Variants in RDX observed in about 807,000 individuals in gnomAD.
The protein encoded by RDX is deafness, autosomal recessive 24.
Under a neutral mutation model 83.7 loss-of-function variants are expected in RDX, and 32 were observed. The ratio of observed to expected loss-of-function variants is 0.38; its 90% CI spans 0.29 to 0.51. RDX has a LOEUF of 0.51. RDX is among the 20% of genes least tolerant of loss of function. The pLI is 0.87. For missense variants in RDX, 600 were observed against 689.9 expected (o/e 0.87, Z 1.46); for synonymous variants, 229 against 222.7 (o/e 1.03, Z -0.25).
chr11:110,216,382 T>C (rs934902933), intron 14 of RDX, among the ~76,000 whole-genome samples: 1 of 151,866 alleles, frequency 6.6e-6, no homozygotes, highest in Non-Finnish European at 1.5e-5. Flanking sequence ...TTCTAATTTT[T>C]TTTTTTTTGA....
intron 9 of RDX, among the ~76,000 whole-genome samples, chr11:110,249,245 G>A (rs577611351): frequency 6.6e-6 from 1 of 152,216 alleles, no homozygotes; most frequent in East Asian, 1.9e-4. Context: ...ATCTGAGTAT[G>A]CTTTAATGTT....
intron 15 of RDX, among the ~76,000 whole-genome samples, chr11:110,193,759 T>C (rs1863148685): frequency 1.3e-5 from 2 of 152,178 alleles, no homozygotes. Context: ...TTCCAACTAC[T>C]AATTAGTGGC....
chr11:110,254,207 T>C, intron 8 of RDX, 98 bp from the exon 9 acceptor site: 1 of 927,924 alleles, frequency 1.1e-6, no homozygotes, highest in Non-Finnish European at 1.7e-6. Flanking sequence ...AATTTTAATG[T>C]CATATTACAT....
At chr11:110,236,407 T>C (rs980182864) in intron 11 of RDX, 6 of 497,722 alleles carry the variant, frequency 1.2e-5, no homozygotes, top group African/African-American at 3.9e-5. Context: ...ACTATTATTC[T>C]ACAGACTAGT....
chr11:110,283,840 A>G (rs1860867110), intron 1 of RDX, among the ~76,000 whole-genome samples: 1 of 150,064 alleles, frequency 6.7e-6, no homozygotes, highest in Non-Finnish European at 1.5e-5. Flanking sequence ...TTAAATCTCT[A>G]CATAGGTAAA....
In RDX at chr11:110,237,596, T is replaced by C; in HGVS notation, c.1147A>G (p.Lys383Glu). Reference sequence around the variant, plus strand: ...TTTTCAAGTCGTTCTGCTTCTTCTTTTGCTCGTTTTCGTTCTTGATCCAGT... The same window carrying C: ...TTTTCAAGTCGTTCTGCTTCTTCTTCTGCTCGTTTTCGTTCTTGATCCAGT... ...LELDQERKRA[K>E]EEAERLEKER... The change falls in exon 11 of 14, where the codon AAA becomes GAA. Residue 383 changes from lysine to glutamate, a missense_variant. Physicochemically the swap from Lys to Glu is moderately conservative, Grantham distance 56. Coordinates refer to ENST00000645495, the MANE Select transcript of RDX (RefSeq NM_002906.4). 2.5e-6 allele frequency: 4 copies of C among 1,614,192 alleles called. No homozygotes were observed. Among genetic ancestry groups the C allele is most frequent in the South Asian group, 1.1e-5 (1 of 91,088 alleles).
chr11:110,199,744 G>A, intron 14 of RDX: 1 of 702,638 alleles, frequency 1.4e-6, no homozygotes, highest in Non-Finnish European at 2.6e-6. Flanking sequence ...AAGCTGAATG[G>A]GCAGGCTGAC....
At chr11:110,186,556 A>G (rs185096059) in intron 15 of RDX, among the ~76,000 whole-genome samples, 241 of 152,168 alleles carry the variant, frequency 1.6e-3, no homozygotes, top group Non-Finnish European at 1.9e-3. Flanking sequence ...ATCCATCAGC[A>G]TAACAAAAGA....
At chr11:110,269,698 G>A (rs1385056898) in intron 3 of RDX, among the ~76,000 whole-genome samples, 2 of 152,068 alleles carry the variant, frequency 1.3e-5, no homozygotes, top group African/African-American at 4.8e-5. Context: ...AATAGAACAG[G>A]GACTAAAGAA....
intron 2 of RDX, among the ~76,000 whole-genome samples, chr11:110,277,304 C>CT (rs1209949256): frequency 3.3e-5 from 5 of 151,824 alleles, no homozygotes; most frequent in Admixed American, 2.0e-4. Flanking sequence ...TATTACCAGT[C>CT]TTTTTTTTGT....
rs1862784394 is a variant in RDX at position 110,176,878 on chromosome 11, A to G, written c.*32-1644T>C. Reference sequence around the variant, plus strand: ...GTAGTTCATCTGAACAGGTAGCAGTATCACCAGGCCCTTTCGGAGTCCTCT... The same window carrying G: ...GTAGTTCATCTGAACAGGTAGCAGTGTCACCAGGCCCTTTCGGAGTCCTCT... On this transcript the variant is annotated intron_variant, in intron 15 of 15. Coordinates refer to the RDX transcript ENST00000528498. Among the ~76,000 whole-genome samples the G allele has an allele frequency of 1.3e-5, 2 of 152,160 alleles. 1 individual carries two copies. The highest frequency in any genetic ancestry group is 1.3e-4 in the Admixed American group (2 of 15,278).
intron 2 of RDX, among the ~76,000 whole-genome samples, chr11:110,274,711 A>G (rs1488607274): frequency 1.3e-5 from 2 of 152,172 alleles, no homozygotes; most frequent in African/African-American, 4.8e-5. Context: ...GCACTATACT[A>G]GTTTAATTTT....
downstream of RDX, among the ~76,000 whole-genome samples, chr11:110,229,089 G>A (rs368995549): frequency 1.3e-5 from 2 of 151,910 alleles, no homozygotes; most frequent in East Asian, 3.9e-4. Context: ...TTAGCATACA[G>A]TTCTTTAAAG....
At chr11:110,199,094 C>T (rs565012159) in intron 15 of RDX, among the ~76,000 whole-genome samples, 1 of 152,260 alleles carries the variant, frequency 6.6e-6, no homozygotes, top group African/African-American at 2.4e-5. Flanking sequence ...GGATTATAGG[C>T]ATGAGCTACC....
At chr11:110,198,856 T>C (rs1863296020) in intron 15 of RDX, among the ~76,000 whole-genome samples, 1 of 151,230 alleles carries the variant, frequency 6.6e-6, no homozygotes, top group South Asian at 2.1e-4. Context: ...CTCGCTGTCA[T>C]CCAGGATGGA....
At chr11:110,256,335 T>C (rs1436290622) in intron 7 of RDX, among the ~76,000 whole-genome samples, 1 of 152,164 alleles carries the variant, frequency 6.6e-6, no homozygotes, top group Non-Finnish European at 1.5e-5. Context: ...AATAAGCATA[T>C]TAGAGGACCC....
At chr11:110,185,828 C>A (rs146151025) in intron 15 of RDX, among the ~76,000 whole-genome samples, 61 of 152,250 alleles carry the variant, frequency 4.0e-4, no homozygotes, top group African/African-American at 1.5e-3. Flanking sequence ...CGTGGAGGTG[C>A]TTATGCTTCC....
intron 15 of RDX, among the ~76,000 whole-genome samples, chr11:110,184,914 G>C (rs761513917): frequency 2.6e-5 from 4 of 152,128 alleles, no homozygotes; most frequent in Admixed American, 1.3e-4. Flanking sequence ...ACCTTGGAGG[G>C]GGGGCTAGGG....
chr11:110,240,832 A>T (rs1565309925), intron 10 of RDX, among the ~76,000 whole-genome samples: 1 of 151,482 alleles, frequency 6.6e-6, no homozygotes, highest in Non-Finnish European at 1.5e-5. Flanking sequence ...AGGTGGGCAG[A>T]TCACCTCAGG....
Sources: gnomAD v4.1 joint callset for allele counts (sites outside exome capture counted in the v4.1 genomes callset) on GRCh38, gnomAD v4.1.1 for gene constraint, MANE v1.5 for transcripts, NCBI Gene and HGNC (gene_info 2026-07-23, HGNC 2026-07-21) for gene names.